Variants in ACOXL observed in about 807,000 individuals in gnomAD.
ACOXL encodes the protein acyl-coenzyme A oxidase-like protein.
ACOXL carries 70 observed loss-of-function variants against 71.9 expected under a neutral mutation model. The ratio of observed to expected loss-of-function variants is 0.97; its 90% CI spans 0.80 to 1.19. ACOXL has a LOEUF of 1.19. ACOXL is among the 50% of genes most tolerant of loss of function. ACOXL has a pLI of 0.00. For missense variants in ACOXL, 703 were observed against 736.3 expected, an observed-to-expected ratio of 0.95 and a Z score of 0.52; for synonymous variants, 253 against 281.6, an observed-to-expected ratio of 0.90 and a Z score of 1.02.
intron 12 of ACOXL, among the ~76,000 whole-genome samples, chr2:110,969,029 A>C (rs1338623119): frequency 1.3e-5 from 2 of 152,220 alleles, no homozygotes; most frequent in Non-Finnish European, 2.9e-5. Flanking sequence ...AAAGAAGAAT[A>C]TCTCTAAATA....
At chr2:111,035,874 A>G (rs573517025) in intron 15 of ACOXL, among the ~76,000 whole-genome samples, 1 of 152,320 alleles carries the variant, frequency 6.6e-6, no homozygotes, top group African/African-American at 2.4e-5. Flanking sequence ...TAGTGGGGCT[A>G]TTCTTTATAT....
intron 9 of ACOXL, among the ~76,000 whole-genome samples, chr2:110,810,931 AAGG>A (rs1395077714): frequency 6.6e-6 from 1 of 152,232 alleles, no homozygotes; most frequent in Non-Finnish European, 1.5e-5. Context: ...TGGCAGCAGC[AAGG>A]AGAAGTGCTC....
chr2:110,995,170 G>C (rs1366358382), intron 13 of ACOXL, among the ~76,000 whole-genome samples: 1 of 151,906 alleles, frequency 6.6e-6, no homozygotes, highest in African/African-American at 2.4e-5. Flanking sequence ...GAGCTGTATA[G>C]TGGTTGAGTT....
chr2:110,784,050 A>G (rs940030614), intron 2 of ACOXL, among the ~76,000 whole-genome samples: 6 of 152,206 alleles, frequency 3.9e-5, no homozygotes, highest in African/African-American at 2.4e-5. Context: ...GATATGGTCT[A>G]TAGTTACAAA....
At chr2:110,985,367 C>G (rs1206940843) in intron 12 of ACOXL, among the ~76,000 whole-genome samples, 1 of 152,152 alleles carries the variant, frequency 6.6e-6, no homozygotes, top group Non-Finnish European at 1.5e-5. Flanking sequence ...TTTTGTAACA[C>G]TCCCTTTACT....
At chr2:110,759,464 T>C (rs898162318) in intron 1 of ACOXL, among the ~76,000 whole-genome samples, 2 of 152,204 alleles carry the variant, frequency 1.3e-5, no homozygotes, top group African/African-American at 4.8e-5. Flanking sequence ...CTTTGTTGGT[T>C]GAAAGTCTAT....
At chr2:110,892,222 A>T (rs1002170672) in intron 10 of ACOXL, among the ~76,000 whole-genome samples, 1 of 152,188 alleles carries the variant, frequency 6.6e-6, no homozygotes, top group Non-Finnish European at 1.5e-5. Context: ...GATGGTGCTG[A>T]CCTTTGGGAT....
intron 15 of ACOXL, among the ~76,000 whole-genome samples, chr2:111,034,922 CT>C (rs10707310): frequency 0.14 from 19,642 of 143,704 alleles, 1,807 homozygotes; most frequent in African/African-American, 0.27. Context: ...AAAGCACAGT[CT>C]TTTTTTTTTT....
chr2:111,017,135 T>G (rs995638656), intron 14 of ACOXL, among the ~76,000 whole-genome samples: 1 of 152,236 alleles, frequency 6.6e-6, no homozygotes, highest in Non-Finnish European at 1.5e-5. Flanking sequence ...TTTCTTGAAG[T>G]TCCCCCCTGA....
At chr2:110,963,573 GTGTGTGTGTGTGTGTGTGTGTGTGTGT>G (rs768546436) in intron 12 of ACOXL, 2 of 619,096 alleles carry the variant, frequency 3.2e-6, no homozygotes, top group African/African-American at 6.4e-5. Context: ...AAATGTGTGT[GTGTGTGTGTGTGTGTGTGTGTGTGTGT>G]GTGTTTTTCT....
intron 11 of ACOXL, among the ~76,000 whole-genome samples, chr2:110,912,196 A>G (rs1034152796): frequency 2.6e-5 from 4 of 152,090 alleles, no homozygotes; most frequent in Non-Finnish European, 4.4e-5. Context: ...TACTCCCTAA[A>G]TTAATCTGTA....
chr2:110,987,197 G>C lies in ACOXL; in HGVS notation c.1149G>C (p.Val383=), dbSNP rs138625972. The C allele has an allele frequency of 1.2e-3, 1,968 of 1,575,208 alleles. 14 individuals carry two copies. The highest frequency in any genetic ancestry group is 0.011 in the South Asian group (968 of 86,178). ...TGCTCCAAAACTGGGCTGAATCTGT[G>C]GGGGACAAGCTGAGAACCAGGTACG... is the stretch of plus-strand genomic sequence containing the variant. ...FGLLQNWAES[V]GDKLRTSFLA... is the part of the protein sequence containing the mutation. The change falls in exon 13 of 18, where the codon GTG becomes GTC. Residue 383 remains valine (V), a synonymous_variant. Coordinates refer to ENST00000439055, the MANE Select transcript of ACOXL (RefSeq NM_001142807.4).
chr2:111,084,258 TACACACACACACACACAC>T lies in ACOXL; in HGVS notation c.1441-8573_1441-8556del, dbSNP rs61263209. Reference sequence around the variant, plus strand: ...GTCTTACGGACACAGATCTAAGGAATACACACACACACACACACACACACACACACACACACACACACA... The same window carrying T: ...GTCTTACGGACACAGATCTAAGGAATACACACACACACACACACACACACA... On this transcript the variant is annotated intron_variant, in intron 16 of 17. Coordinates refer to ENST00000439055, the MANE Select transcript of ACOXL (RefSeq NM_001142807.4). 7.0e-4 allele frequency among the ~76,000 whole-genome samples: 94 copies of T among 135,012 alleles called. No homozygotes were observed. The Middle Eastern group carries it at 0.011, about 16-fold the overall frequency. 88.6% of individuals were successfully genotyped at this position (135,012 alleles called of 152,430 possible).
chr2:111,003,181 C>T (rs1390167216), intron 14 of ACOXL, among the ~76,000 whole-genome samples: 4 of 152,096 alleles, frequency 2.6e-5, no homozygotes, highest in Admixed American at 6.6e-5. Context: ...CATTTACACA[C>T]ACATGAGTAA....
chr2:111,009,988 A>G (rs1240323446), intron 14 of ACOXL, among the ~76,000 whole-genome samples: 1 of 152,218 alleles, frequency 6.6e-6, no homozygotes, highest in African/African-American at 2.4e-5. Flanking sequence ...GCATGCTAGA[A>G]TAAGACTCAA....
intron 16 of ACOXL, among the ~76,000 whole-genome samples, chr2:111,082,181 A>C (rs2067960347): frequency 6.6e-6 from 1 of 152,222 alleles, no homozygotes. Flanking sequence ...GGATCCAATT[A>C]AACTAAAGAG....
At chr2:110,938,850 T>A (rs1416585578) in intron 12 of ACOXL, among the ~76,000 whole-genome samples, 11 of 151,880 alleles carry the variant, frequency 7.2e-5, no homozygotes, top group Non-Finnish European at 7.4e-5. Flanking sequence ...TTTTTTTTTT[T>A]TAAAAAAACA....
intron 11 of ACOXL, among the ~76,000 whole-genome samples, chr2:110,923,839 G>A (rs1203902635): frequency 1.4e-4 from 22 of 152,088 alleles, no homozygotes; most frequent in Non-Finnish European, 2.9e-4. Flanking sequence ...GGGAGGCTGA[G>A]GCAGGAGAAT....
At chr2:110,992,863 C>T (rs146422515) in intron 13 of ACOXL, among the ~76,000 whole-genome samples, 8 of 152,286 alleles carry the variant, frequency 5.3e-5, no homozygotes, top group African/African-American at 1.7e-4. Flanking sequence ...CAAGATTTTG[C>T]CTTGCACCCA....
Sources: gnomAD v4.1 joint callset for allele counts (sites outside exome capture counted in the v4.1 genomes callset) on GRCh38, gnomAD v4.1.1 for gene constraint, MANE v1.5 for transcripts, NCBI Gene and HGNC (gene_info 2026-07-23, HGNC 2026-07-21) for gene names.